The following DNAAF11 variants were observed in gnomAD, a reference collection of about 807,000 sequenced individuals.
The protein encoded by DNAAF11 is dynein axonemal assembly factor 11.
A neutral mutation model predicts 60.8 loss-of-function variants in DNAAF11; 45 were observed. The observed-to-expected ratio is 0.74, with a 90% CI of 0.58 to 0.95. DNAAF11 has a LOEUF of 0.95. DNAAF11 is among the 40% of genes least tolerant of loss of function. DNAAF11 has a pLI of 0.00. For synonymous variants in DNAAF11, 191 were observed against 183.5 expected (o/e 1.04, Z -0.33); for missense variants, 546 against 546.2 (o/e 1.00, Z 0.00).
intron 1 of DNAAF11, among the ~76,000 whole-genome samples, chr8:132,663,254 G>C (rs1824306710): frequency 6.6e-6 from 1 of 152,174 alleles, no homozygotes; most frequent in African/African-American, 2.4e-5. Flanking sequence ...TTGTGAACCA[G>C]CTTAAATAGG....
At chr8:132,625,993 G>A (rs780841605) in intron 5 of DNAAF11, among the ~76,000 whole-genome samples, 1 of 152,052 alleles carries the variant, frequency 6.6e-6, no homozygotes, top group Non-Finnish European at 1.5e-5. Flanking sequence ...TTATTTCCAG[G>A]TTTTTAAATG....
chr8:132,626,718 T>A (rs963289495), intron 5 of DNAAF11, among the ~76,000 whole-genome samples: 4 of 152,134 alleles, frequency 2.6e-5, no homozygotes, highest in Admixed American at 2.6e-4. Flanking sequence ...CTCCCTAGAA[T>A]AGACACTTTA....
At chr8:132,664,838 G>A (rs117100909) in intron 1 of DNAAF11, among the ~76,000 whole-genome samples, 5 of 152,046 alleles carry the variant, frequency 3.3e-5, no homozygotes, top group East Asian at 3.9e-4. Context: ...CTTCTCTTTC[G>A]AAGGCATGTA....
chr8:132,681,318 CTTTTT>C, the DNAAF11 span, among the ~76,000 whole-genome samples: 6 of 129,104 alleles, frequency 4.6e-5, no homozygotes, highest in South Asian at 1.2e-3. Context: ...CCAACCATTC[CTTTTT>C]TTTTTTTTTT....
chr8:132,637,918 C>T lies in DNAAF11; in HGVS notation c.429+17G>A. On this transcript the variant is annotated intron_variant, in intron 4 of 11. Coordinates refer to ENST00000620350, the MANE Select transcript of DNAAF11 (RefSeq NM_012472.6). ...GCTCATTTATCTGTGATTTCTGCAC[C>T]ATTAAAAGAACCATACCTTTAATTG... The T allele has an allele frequency of 6.3e-7, 1 of 1,586,660 alleles. No homozygotes were observed. Among genetic ancestry groups the T allele is most frequent in the Non-Finnish European group, 8.6e-7 (1 of 1,165,042 alleles).
At chr8:132,575,287 T>C (rs2130948794) in intron 11 of DNAAF11, among the ~76,000 whole-genome samples, 1 of 152,268 alleles carries the variant, frequency 6.6e-6, no homozygotes, top group South Asian at 2.1e-4. Context: ...AATGAGTTCA[T>C]CCATGTAAAG....
At chr8:132,702,654 A>C in the DNAAF11 span, among the ~76,000 whole-genome samples, 2 of 152,242 alleles carry the variant, frequency 1.3e-5, no homozygotes, top group African/African-American at 4.8e-5. Flanking sequence ...TTAAGTGTTA[A>C]GCATTTTGCC....
At chr8:132,636,260 T>C (rs760333345) in intron 4 of DNAAF11, among the ~76,000 whole-genome samples, 1 of 152,116 alleles carries the variant, frequency 6.6e-6, no homozygotes, top group Non-Finnish European at 1.5e-5. Flanking sequence ...AGCAGTTAAT[T>C]TGGAGAAGTC....
rs756153007 is a variant in DNAAF11 at position 132,625,455 on chromosome 8, C to G, written c.654-1G>C. On this transcript the variant is annotated splice_acceptor_variant, in intron 5 of 11. Coordinates refer to ENST00000620350, the MANE Select transcript of DNAAF11 (RefSeq NM_012472.6). LOFTEE classifies it high-confidence loss of function. ...GTGGTCTTTGCTCTCTAAAGAGGAA[C>G]TAGGAAAAACAAATAGAGCACTTAA... 6.3e-7 allele frequency: 1 copy of G among 1,593,012 alleles called. No individual in the cohort carries two copies. The highest frequency in any genetic ancestry group is 8.5e-7 in the Non-Finnish European group (1 of 1,172,356).
At chr8:132,599,930 A>G (rs1235676867) in intron 10 of DNAAF11, among the ~76,000 whole-genome samples, 2 of 152,224 alleles carry the variant, frequency 1.3e-5, no homozygotes, top group African/African-American at 4.8e-5. Context: ...CAGGACAATC[A>G]GGCAGGAGAA....
At chr8:132,590,486 T>A (rs1040217042) in intron 10 of DNAAF11, among the ~76,000 whole-genome samples, 3 of 152,238 alleles carry the variant, frequency 2.0e-5, no homozygotes, top group African/African-American at 7.2e-5. Context: ...ACCTGTGTAA[T>A]ATGTTTCCTG....
intron 11 of DNAAF11, 135 bp from the exon 12 acceptor site, chr8:132,572,615 A>C (rs1221122468): frequency 1.8e-6 from 1 of 562,280 alleles, no homozygotes; most frequent in East Asian, 2.9e-5. Flanking sequence ...AAAAGGAGAG[A>C]ATGTCCCTAG....
At chr8:132,649,738 AT>A (rs1357926912) in intron 3 of DNAAF11, among the ~76,000 whole-genome samples, 1 of 152,258 alleles carries the variant, frequency 6.6e-6, no homozygotes, top group Non-Finnish European at 1.5e-5. Flanking sequence ...AAAAGAAGAC[AT>A]TTATGCAGCC....
intron 3 of DNAAF11, among the ~76,000 whole-genome samples, chr8:132,650,281 C>T (rs1160542663): frequency 6.6e-6 from 1 of 152,018 alleles, no homozygotes; most frequent in Non-Finnish European, 1.5e-5. Flanking sequence ...GAAAACCAAA[C>T]ACCGCATGTT....
rs926466025 is a variant in DNAAF11 at position 132,570,456 on chromosome 8, T to A, written c.*1850A>T. ...TGTTTAATGGATAATTCTATTAGTTTGGTCAAAAGTATAATTTTGCTTTCT... is the reference window on the plus strand; with the variant it reads ...TGTTTAATGGATAATTCTATTAGTTAGGTCAAAAGTATAATTTTGCTTTCT... On this transcript the variant is annotated 3_prime_UTR_variant, in exon 12 of 12. Transcript: ENST00000620350. Among the ~76,000 whole-genome samples, 4 of 152,214 alleles carry A rather than the reference T, an allele frequency of 2.6e-5. No individual in the cohort carries two copies. Among genetic ancestry groups the A allele is most frequent in the African/African-American group, 9.6e-5 (4 of 41,454 alleles).
At chr8:132,668,664 G>A (rs376992181) in intron 1 of DNAAF11, among the ~76,000 whole-genome samples, 22 of 152,016 alleles carry the variant, frequency 1.4e-4, no homozygotes, top group African/African-American at 4.6e-4. Flanking sequence ...GGATGGTCTC[G>A]ATCTCTTGAC....
upstream of DNAAF11, among the ~76,000 whole-genome samples, chr8:132,677,722 TAGTG>T (rs1298949221): frequency 2.6e-5 from 4 of 152,080 alleles, no homozygotes; most frequent in African/African-American, 9.7e-5. Context: ...CTGGGCGACA[TAGTG>T]AGACTCTGTG....
chr8:132,634,106 TG>T (rs1477240565), intron 4 of DNAAF11, among the ~76,000 whole-genome samples: 2 of 152,290 alleles, frequency 1.3e-5, no homozygotes, highest in African/African-American at 4.8e-5. Flanking sequence ...TAGAATCAGC[TG>T]AATTATAAGT....
chr8:132,678,137 G>A (rs79030332), upstream of DNAAF11, among the ~76,000 whole-genome samples: 1 of 152,116 alleles, frequency 6.6e-6, no homozygotes, highest in South Asian at 2.1e-4. Context: ...CTGAGGAATG[G>A]GAGCACCCTT....
Sources: allele counts gnomAD v4.1 joint callset (sites outside exome capture counted in the v4.1 genomes callset), GRCh38; gene constraint gnomAD v4.1.1; transcripts MANE v1.5; gene names NCBI Gene and HGNC (gene_info 2026-07-23, HGNC 2026-07-21).